Variants in UNC5D observed in about 807,000 individuals in gnomAD.
UNC5D encodes netrin receptor UNC5D.
UNC5D carries 39 observed loss-of-function variants against 105.4 expected under a neutral mutation model. The observed-to-expected ratio is 0.37, with a 90% CI of 0.29 to 0.48. UNC5D has a LOEUF of 0.48. Ranked by LOEUF, UNC5D falls within the 20% of genes least tolerant of loss-of-function variation. UNC5D has a pLI of 0.98. For synonymous variants in UNC5D, 452 were observed against 450.4 expected (o/e 1.00, Z -0.04); for missense variants, 991 against 1,202.4 (o/e 0.82, Z 2.60).
At chr8:35,462,536 T>G (rs879832339) in intron 1 of UNC5D, among the ~76,000 whole-genome samples, 5 of 152,174 alleles carry the variant, frequency 3.3e-5, no homozygotes, top group Non-Finnish European at 7.3e-5. Flanking sequence ...TGAATTCTCT[T>G]TAAACAGCAC....
intron 1 of UNC5D, among the ~76,000 whole-genome samples, chr8:35,424,262 G>T (rs1160132409): frequency 6.6e-6 from 1 of 152,150 alleles, no homozygotes; most frequent in African/African-American, 2.4e-5. Context: ...AAATGTTTTA[G>T]TTATCACATT....
chr8:35,301,602 A>G (rs1807962792), intron 1 of UNC5D, among the ~76,000 whole-genome samples: 1 of 152,192 alleles, frequency 6.6e-6, no homozygotes, highest in Non-Finnish European at 1.5e-5. Flanking sequence ...AGCATAGCGT[A>G]TTGAGTTGGC....
At chr8:35,429,564 T>C (rs564362649) in intron 1 of UNC5D, among the ~76,000 whole-genome samples, 1 of 152,180 alleles carries the variant, frequency 6.6e-6, no homozygotes, top group Admixed American at 6.6e-5. Context: ...CCATTAAAGA[T>C]AAAAATATTA....
At chr8:35,310,929 ATAGT>A (rs1227050369) in intron 1 of UNC5D, among the ~76,000 whole-genome samples, 1 of 152,210 alleles carries the variant, frequency 6.6e-6, no homozygotes, top group Non-Finnish European at 1.5e-5. Flanking sequence ...AAAGTAAGAC[ATAGT>A]TAGCTTTCAG....
At chr8:35,571,180 CT>C (rs1383277974) in intron 3 of UNC5D, among the ~76,000 whole-genome samples, 1 of 152,052 alleles carries the variant, frequency 6.6e-6, no homozygotes, top group Admixed American at 6.6e-5. Flanking sequence ...CACTTCCCAC[CT>C]TTTTAGAATC....
chr8:35,236,781 C>T (rs1802500195), intron 1 of UNC5D, among the ~76,000 whole-genome samples: 1 of 152,188 alleles, frequency 6.6e-6, no homozygotes, highest in Admixed American at 6.5e-5. Context: ...TCAGACACAG[C>T]TCAAGTACCG....
At chr8:35,457,161 T>C (rs980448638) in intron 1 of UNC5D, among the ~76,000 whole-genome samples, 1 of 152,238 alleles carries the variant, frequency 6.6e-6, no homozygotes, top group South Asian at 2.1e-4. Context: ...TGGTATATAA[T>C]AGACACTTAA....
intron 16 of UNC5D, 73 bp from the exon 17 acceptor site, chr8:35,790,286 T>C: frequency 6.8e-7 from 1 of 1,474,908 alleles, no homozygotes; most frequent in Non-Finnish European, 9.4e-7. Flanking sequence ...TTTAATTCTC[T>C]TATGGTGATC....
At chr8:35,616,799 C>T (rs565068034) in intron 4 of UNC5D, among the ~76,000 whole-genome samples, 1 of 152,172 alleles carries the variant, frequency 6.6e-6, no homozygotes, top group African/African-American at 2.4e-5. Context: ...AGAGAGAAGG[C>T]GATTTGGAGG....
intron 16 of UNC5D, among the ~76,000 whole-genome samples, chr8:35,786,100 A>G (rs1280757257): frequency 6.6e-6 from 1 of 152,160 alleles, no homozygotes; most frequent in Non-Finnish European, 1.5e-5. Flanking sequence ...TGTAGTACTT[A>G]CATTTATAAT....
chr8:35,304,700 G>A (rs750802711), intron 1 of UNC5D, among the ~76,000 whole-genome samples: 9 of 151,974 alleles, frequency 5.9e-5, no homozygotes, highest in African/African-American at 1.4e-4. Context: ...TTTCTCTTTC[G>A]TTTTCTATAT....
At chr8:35,597,080 A>C (rs889814461) in intron 4 of UNC5D, among the ~76,000 whole-genome samples, 1 of 152,200 alleles carries the variant, frequency 6.6e-6, no homozygotes, top group Non-Finnish European at 1.5e-5. Context: ...TATTTTAGTA[A>C]AATTGGGATT....
Position 35,544,146 on chromosome 8 carries a change from C to T in UNC5D, c.104-5146C>T, listed in dbSNP as rs548457401. Among the ~76,000 whole-genome samples the T allele has an allele frequency of 5.9e-5, 9 of 152,206 alleles. No individual in the cohort carries two copies. In the South Asian group the frequency reaches 6.2e-4, roughly 11 times the overall value. On this transcript the variant is annotated intron_variant, in intron 1 of 16. Coordinates refer to ENST00000404895, the MANE Select transcript of UNC5D (RefSeq NM_080872.4). ...AGAGTTTCTGTGTCTCTTAAATGAC[C>T]GAATCCGTGTAGAAGGCTTATTACC...
At chr8:35,550,255 A>G (rs1399313530) in intron 2 of UNC5D, among the ~76,000 whole-genome samples, 1 of 152,212 alleles carries the variant, frequency 6.6e-6, no homozygotes, top group Non-Finnish European at 1.5e-5. Context: ...CAAGGAAACT[A>G]AGGCTCAAAG....
intron 4 of UNC5D, among the ~76,000 whole-genome samples, chr8:35,677,247 T>C (rs1056643929): frequency 6.6e-6 from 1 of 152,186 alleles, no homozygotes; most frequent in African/African-American, 2.4e-5. Flanking sequence ...GCACTATCAT[T>C]TTTTAAAAAT....
chr8:35,315,494 G>A (rs1222679509), intron 1 of UNC5D, among the ~76,000 whole-genome samples: 1 of 152,138 alleles, frequency 6.6e-6, no homozygotes, highest in South Asian at 2.1e-4. Context: ...AGAAGCCCAG[G>A]CTGGTTCACA....
chr8:35,362,227 A>C (rs1308763657), intron 1 of UNC5D, among the ~76,000 whole-genome samples: 3 of 152,082 alleles, frequency 2.0e-5, no homozygotes, highest in Admixed American at 6.6e-5. Flanking sequence ...GTCTCATGCC[A>C]CTCCTCTGCA....
chr8:35,544,014 C>T (rs147261757), intron 1 of UNC5D, among the ~76,000 whole-genome samples: 222 of 152,268 alleles, frequency 1.5e-3, no homozygotes, highest in African/African-American at 5.1e-3. Context: ...TGGCTGGAGT[C>T]AGAGACCTGC....
intron 3 of UNC5D, among the ~76,000 whole-genome samples, chr8:35,585,450 G>A (rs1280173464): frequency 2.6e-5 from 4 of 151,930 alleles, no homozygotes; most frequent in Non-Finnish European, 5.9e-5. Context: ...AAGATTTACT[G>A]AACAGGAGTT....
Sources: allele counts gnomAD v4.1 joint callset (sites outside exome capture counted in the v4.1 genomes callset), GRCh38; gene constraint gnomAD v4.1.1; transcripts MANE v1.5; gene names NCBI Gene and HGNC (gene_info 2026-07-23, HGNC 2026-07-21).